Variants in TRAK1 observed in about 807,000 individuals in gnomAD.
TRAK1 encodes trafficking kinesin-binding protein 1.
A neutral mutation model predicts 92.1 loss-of-function variants in TRAK1; 33 were observed. That is an observed-to-expected ratio of 0.36 (90% confidence interval 0.27 to 0.48). The LOEUF (loss-of-function observed/expected upper bound fraction) is 0.48, where lower values mean the gene tolerates loss of function less well. Among genes scored for constraint, TRAK1 ranks in the 20% least tolerant of loss-of-function variants. The pLI, the probability that TRAK1 is intolerant of heterozygous loss-of-function variation, is 0.99. For synonymous variants in TRAK1, 521 were observed against 517.3 expected (o/e 1.01, Z -0.10); for missense variants, 1,123 against 1,257.9 (o/e 0.89, Z 1.62).
intron 1 of TRAK1, among the ~76,000 whole-genome samples, chr3:42,048,944 C>T (rs1368919650): frequency 1.3e-5 from 2 of 152,178 alleles, no homozygotes; most frequent in Non-Finnish European, 2.9e-5. Context: ...TCACTCTGTT[C>T]CCCACTATGT....
At chr3:42,164,041 A>T (rs1395068812) in intron 2 of TRAK1, among the ~76,000 whole-genome samples, 1 of 152,172 alleles carries the variant, frequency 6.6e-6, no homozygotes, top group East Asian at 1.9e-4. Flanking sequence ...GCAACTTAGA[A>T]AGTTTGGTGT....
At chr3:42,030,719 TATATATATATATATATATATATG>T (rs2148891376) in intron 1 of TRAK1, among the ~76,000 whole-genome samples, 2 of 96,870 alleles carry the variant, frequency 2.1e-5, no homozygotes, top group South Asian at 3.9e-4. Flanking sequence ...TATATATATA[TATATATATATATATATATATATG>T]TAACTTGTTG....
intron 2 of TRAK1, among the ~76,000 whole-genome samples, chr3:42,127,298 C>G (rs960000813): frequency 6.6e-6 from 1 of 151,248 alleles, no homozygotes; most frequent in Non-Finnish European, 1.5e-5. Flanking sequence ...TCTGCAGTAC[C>G]TATCATGGCC....
chr3:42,170,634 A>G (rs1418106961), intron 2 of TRAK1, among the ~76,000 whole-genome samples: 3 of 152,188 alleles, frequency 2.0e-5, no homozygotes, highest in Non-Finnish European at 4.4e-5. Context: ...AATGAAAATT[A>G]TAGAAAATTG....
rs370172875 is a variant in TRAK1, at chr3:42,202,403, G to A, written c.1428-33G>A. The A allele has an allele frequency of 6.1e-4, 882 of 1,456,328 alleles. 1 individual carries two copies. The highest frequency in any genetic ancestry group is 7.7e-4 in the Non-Finnish European group (845 of 1,099,522). The allele number at this position is 1,456,328 out of a possible 1,614,324, so 90.2% of individuals were successfully genotyped here. A position where few individuals can be genotyped will look rare whatever the true frequency, so the allele number is the denominator to read the frequency against. On this transcript the variant is annotated intron_variant, in intron 12 of 15. Transcript: ENST00000327628. The surrounding 1 kb of genome is among the most constrained non-coding windows in gnomAD (Gnocchi z 6.1). The stretch of plus-strand genomic sequence containing the variant: ...CCTCTGTGGCCTTGGAGCCCTGCTG[G>A]CATTCCACCCTCACACCCCTTTCTT...
chr3:42,204,035 T>A (rs1577000534), intron 13 of TRAK1: 1 of 985,114 alleles, frequency 1.0e-6, no homozygotes, highest in Non-Finnish European at 1.2e-6. Context: ...GTTTTTATTA[T>A]TATTTTAAAA....
intron 1 of TRAK1, among the ~76,000 whole-genome samples, chr3:42,057,289 T>C (rs939255700): frequency 2.0e-5 from 3 of 152,202 alleles, no homozygotes; most frequent in Admixed American, 6.5e-5. Flanking sequence ...TGCAATTGTT[T>C]TCTCCACAAA....
At chr3:42,150,207 C>T (rs1652688094) in intron 2 of TRAK1, among the ~76,000 whole-genome samples, 2 of 152,076 alleles carry the variant, frequency 1.3e-5, no homozygotes, top group African/African-American at 2.4e-5. Context: ...AGAATGTGTC[C>T]TTCTGTCACT....
At chr3:42,099,798 A>G (rs748335155) in intron 1 of TRAK1, among the ~76,000 whole-genome samples, 10 of 152,212 alleles carry the variant, frequency 6.6e-5, no homozygotes, top group Non-Finnish European at 1.2e-4. Context: ...GCCCAGTGCT[A>G]TTTTAACTGT....
chr3:42,079,404 G>T (rs1265076458), intron 1 of TRAK1, among the ~76,000 whole-genome samples: 1 of 151,526 alleles, frequency 6.6e-6, no homozygotes, highest in African/African-American at 2.4e-5. Context: ...CACCTTTTGG[G>T]CTTCAACCTG....
rs917583420 is a variant in TRAK1 at position 42,070,217 on chromosome 3, AAT to A, written c.-518-16885_-518-16884del. The stretch of plus-strand genomic sequence containing the variant: ...TGTTACCTGCACCCTTGTCAGCAGC[AAT>A]AGTTATTATAATAATTATGAATAAT... On this transcript the variant is annotated intron_variant, in intron 1 of 16. Transcript: ENST00000487159. Among the ~76,000 whole-genome samples the A allele has an allele frequency of 1.3e-3, 192 of 142,544 alleles. 1 individual carries two copies. Among genetic ancestry groups the A allele is most frequent in the African/African-American group, 4.8e-3 (188 of 39,020 alleles). The allele number at this position is 142,544 out of a possible 152,430, so 93.5% of individuals were successfully genotyped here. A position where few individuals can be genotyped will look rare whatever the true frequency, so the allele number is the denominator to read the frequency against.
At chr3:42,122,853 T>C (rs1559797144) in intron 1 of TRAK1, among the ~76,000 whole-genome samples, 1 of 152,088 alleles carries the variant, frequency 6.6e-6, no homozygotes, top group Non-Finnish European at 1.5e-5. Flanking sequence ...CTGGTCTTGT[T>C]TTTGGCTGGC....
chr3:42,078,648 G>A (rs1395063112), intron 1 of TRAK1, among the ~76,000 whole-genome samples: 1 of 151,648 alleles, frequency 6.6e-6, no homozygotes, highest in African/African-American at 2.4e-5. Context: ...AGCTACTCGG[G>A]AGCCTGAGGC....
chr3:42,102,737 T>C, intron 1 of TRAK1, among the ~76,000 whole-genome samples: 1 of 152,172 alleles, frequency 6.6e-6, no homozygotes, highest in East Asian at 1.9e-4. Flanking sequence ...TCCACATTGA[T>C]TTATTTCCCT....
chr3:42,052,677 G>GTTGGCATACTGGGGATTTCCT (rs1703029749), intron 1 of TRAK1, among the ~76,000 whole-genome samples: 1 of 152,176 alleles, frequency 6.6e-6, no homozygotes, highest in Non-Finnish European at 1.5e-5. Context: ...AGTGATAACA[G>GTTGGCATACTGGGGATTTCCT]TTGGCATACT....
At chr3:42,144,706 T>C (rs1476542313) in intron 2 of TRAK1, among the ~76,000 whole-genome samples, 1 of 152,188 alleles carries the variant, frequency 6.6e-6, no homozygotes, top group Non-Finnish European at 1.5e-5. Context: ...TTTAACAAAA[T>C]TTATTCTTAT....
intron 2 of TRAK1, among the ~76,000 whole-genome samples, chr3:42,146,695 C>T (rs1699369947): frequency 6.6e-6 from 1 of 152,222 alleles, no homozygotes; most frequent in South Asian, 2.1e-4. Context: ...GCTGGGTCTA[C>T]AGGCATGTGC....
intron 1 of TRAK1, among the ~76,000 whole-genome samples, chr3:42,048,216 G>T (rs1006710995): frequency 2.6e-5 from 4 of 152,022 alleles, no homozygotes; most frequent in African/African-American, 7.2e-5. Flanking sequence ...TTTATCTACT[G>T]AGAGATAGGC....
intron 1 of TRAK1, among the ~76,000 whole-genome samples, chr3:42,116,979 T>C (rs1191429358): frequency 6.6e-6 from 1 of 152,178 alleles, no homozygotes; most frequent in Non-Finnish European, 1.5e-5. Context: ...GAGGCATGCA[T>C]GTTTAATCTG....
Sources: gnomAD v4.1 joint callset for allele counts (sites outside exome capture counted in the v4.1 genomes callset) on GRCh38, gnomAD v4.1.1 for gene constraint, Gnocchi (gnomAD v3.1) non-coding constraint, MANE v1.5 for transcripts, NCBI Gene and HGNC (gene_info 2026-07-23, HGNC 2026-07-21) for gene names.